The following CACNA1E variants were observed in gnomAD, a reference collection of about 807,000 sequenced individuals.
The protein encoded by CACNA1E is calcium voltage-gated channel subunit alpha1 E, also known as voltage-dependent R-type calcium channel subunit alpha-1E.
CACNA1E carries 40 observed loss-of-function variants against 259.2 expected under a neutral mutation model. The ratio of observed to expected loss-of-function variants is 0.15; its 90% CI spans 0.12 to 0.20. CACNA1E has a LOEUF of 0.20. CACNA1E is among the 10% of genes least tolerant of loss of function. The pLI is 1.00. For synonymous variants in CACNA1E, 1,104 were observed against 1,138.5 expected (o/e 0.97, Z 0.61); for missense variants, 1,874 against 3,040.1 (o/e 0.62, Z 9.02).
At chr1:181,591,662 T>C (rs1392112260) in intron 6 of CACNA1E, among the ~76,000 whole-genome samples, 2 of 152,212 alleles carry the variant, frequency 1.3e-5, no homozygotes. Flanking sequence ...TTGAAAAAAG[T>C]GATTTCTGAT....
At chr1:181,503,217 G>A (rs1200779961) in intron 1 of CACNA1E, among the ~76,000 whole-genome samples, 4 of 152,246 alleles carry the variant, frequency 2.6e-5, no homozygotes, top group African/African-American at 9.6e-5. Context: ...CAGGACAGAT[G>A]TATCTTTCTC....
intron 1 of CACNA1E, among the ~76,000 whole-genome samples, chr1:181,392,880 G>C (rs966569725): frequency 4.6e-5 from 7 of 152,202 alleles, no homozygotes; most frequent in Non-Finnish European, 8.8e-5. Flanking sequence ...GGTATTGTGT[G>C]ATATTGGCAA....
chr1:181,418,808 C>T (rs1002010527), intron 2 of CACNA1E, among the ~76,000 whole-genome samples: 2 of 152,036 alleles, frequency 1.3e-5, no homozygotes, highest in Non-Finnish European at 2.9e-5. Context: ...GCTGCTGTCT[C>T]CCTGGTCCAA....
At chr1:181,481,335 T>TACACACACAC (rs113766656), upstream of CACNA1E, among the ~76,000 whole-genome samples, 376 of 145,506 alleles carry the variant, frequency 2.6e-3, no homozygotes, top group South Asian at 3.6e-3. Context: ...AGAATTTTCC[T>TACACACACAC]ACACACACAC....
chr1:181,338,168 C>T (rs1651863777), intron 1 of CACNA1E, among the ~76,000 whole-genome samples: 1 of 152,188 alleles, frequency 6.6e-6, no homozygotes, highest in Non-Finnish European at 1.5e-5. Flanking sequence ...TCACTGCAAC[C>T]TCTGCCTCCC....
In CACNA1E at chr1:181,738,375, G is replaced by A; in HGVS notation, c.3561G>A (p.Arg1187=). ...CCATATGTGTCTTTCAGGTCCTGAG[G>A]TATTTTGACTATGTGTTCACGGGCG... The part of the protein sequence containing the change: ...LTNSERNKVL[R]YFDYVFTGVF... The change falls in exon 24 of 48, where the codon AGG becomes AGA. Residue 1187 remains arginine, a synonymous_variant. Coordinates refer to ENST00000367573, the MANE Select transcript of CACNA1E (RefSeq NM_001205293.3). 1.2e-6 allele frequency: 2 copies of A among 1,613,724 alleles called. No individual in the cohort carries two copies. Among genetic ancestry groups the A allele is most frequent in the Admixed American group, 3.3e-5 (2 of 60,022 alleles).
chr1:181,579,001 G>A (rs1651253999), intron 4 of CACNA1E, 71 bp from the exon 5 acceptor site: 2 of 1,302,730 alleles, frequency 1.5e-6, no homozygotes, highest in East Asian at 2.5e-5. Flanking sequence ...ATGAGGGAAT[G>A]AAACTAATCC....
At chr1:181,574,801 C>T (rs999277502) in intron 3 of CACNA1E, among the ~76,000 whole-genome samples, 5 of 151,944 alleles carry the variant, frequency 3.3e-5, no homozygotes, top group Non-Finnish European at 7.4e-5. Context: ...CCGAGGCAGG[C>T]GGATCATGAG....
chr1:181,783,836 A>C, intron 40 of CACNA1E, 52 bp downstream of exon 40: 3 of 1,143,454 alleles, frequency 2.6e-6, no homozygotes, highest in Non-Finnish European at 4.0e-6. Flanking sequence ...GGAACAACTC[A>C]TGCAGGTGGC....
At chr1:181,503,054 T>TAG (rs1366343500) in intron 1 of CACNA1E, among the ~76,000 whole-genome samples, 1 of 152,180 alleles carries the variant, frequency 6.6e-6, no homozygotes, top group African/African-American at 2.4e-5. Flanking sequence ...GTAGACAGGT[T>TAG]AGGAAGCAGA....
chr1:181,716,230 G>C (rs746379398), intron 10 of CACNA1E, 101 bp downstream of exon 10: 2 of 645,854 alleles, frequency 3.1e-6, no homozygotes, highest in Non-Finnish European at 2.6e-6. Context: ...AATCCAAAGG[G>C]TCCAGAATTT....
At chr1:181,391,614 G>A (rs902723148) in intron 1 of CACNA1E, among the ~76,000 whole-genome samples, 2 of 152,166 alleles carry the variant, frequency 1.3e-5, no homozygotes, top group Non-Finnish European at 2.9e-5. Flanking sequence ...AGGGAGAGGG[G>A]AAATACTCGG....
chr1:181,706,561 A>G (rs1053816913), intron 7 of CACNA1E, among the ~76,000 whole-genome samples: 1 of 152,236 alleles, frequency 6.6e-6, no homozygotes, highest in African/African-American at 2.4e-5. Flanking sequence ...TAGGTCTTTA[A>G]TAACCCAACA....
intron 1 of CACNA1E, among the ~76,000 whole-genome samples, chr1:181,363,249 C>T (rs567895397): frequency 6.6e-6 from 1 of 152,272 alleles, no homozygotes; most frequent in South Asian, 2.1e-4. Flanking sequence ...AACTATTACA[C>T]AAACCAAAAA....
At chr1:181,571,341 G>A (rs998013077) in intron 3 of CACNA1E, among the ~76,000 whole-genome samples, 4 of 152,156 alleles carry the variant, frequency 2.6e-5, no homozygotes, top group African/African-American at 9.7e-5. Flanking sequence ...TTTCCAAGGA[G>A]GAAGTAGAAT....
intron 2 of CACNA1E, among the ~76,000 whole-genome samples, chr1:181,458,473 G>T (rs979511237): frequency 6.6e-6 from 1 of 152,220 alleles, no homozygotes; most frequent in East Asian, 1.9e-4. Context: ...GCAGAACTAA[G>T]ATGGGACCCT....
Position 181,406,590 on chromosome 1 carries a change from G to C in CACNA1E, c.-14-6543G>C, listed in dbSNP as rs115467003. Among the ~76,000 whole-genome samples the C allele has an allele frequency of 5.8e-3, 886 of 152,214 alleles. 7 individuals are homozygous for C. The highest frequency in any genetic ancestry group is 8.2e-3 in the Non-Finnish European group (557 of 68,008). On this transcript the variant is annotated intron_variant, in intron 1 of 11. Coordinates refer to the CACNA1E transcript ENST00000524607. The stretch of plus-strand genomic sequence containing the variant: ...TTTTTGTCTTTTTAGTAGAGACAGA[G>C]TTTCACCATCTTGGCCAGGCTGGTC...
At chr1:181,680,429 A>G (rs2102259203) in intron 7 of CACNA1E, among the ~76,000 whole-genome samples, 1 of 152,298 alleles carries the variant, frequency 6.6e-6, no homozygotes, top group East Asian at 1.9e-4. Context: ...TGACAACCAC[A>G]TGGGCCTGAG....
intron 1 of CACNA1E, among the ~76,000 whole-genome samples, chr1:181,398,269 C>T (rs1656835641): frequency 6.6e-6 from 1 of 152,176 alleles, no homozygotes; most frequent in Non-Finnish European, 1.5e-5. Flanking sequence ...ATCACCATTT[C>T]CAGAAAAACA....
Sources: gnomAD v4.1 joint callset for allele counts (sites outside exome capture counted in the v4.1 genomes callset) on GRCh38, gnomAD v4.1.1 for gene constraint, MANE v1.5 for transcripts, NCBI Gene and HGNC (gene_info 2026-07-23, HGNC 2026-07-21) for gene names.